Variants in BBS9 observed in about 807,000 individuals in gnomAD.
BBS9 encodes the protein protein PTHB1.
In BBS9, 89 loss-of-function variants were observed where a neutral mutation model predicts 117.7. That is an observed-to-expected ratio of 0.76 (90% CI 0.64 to 0.90). The LOEUF is 0.90. Ranked by LOEUF, BBS9 falls within the 40% of genes least tolerant of loss-of-function variation. BBS9 has a pLI of 0.00. For synonymous variants in BBS9, 379 were observed against 370.9 expected (o/e 1.02, Z -0.25); for missense variants, 982 against 1,042.2 (o/e 0.94, Z 0.80).
chr7:33,378,516 G>T (rs1245635895), intron 17 of BBS9, among the ~76,000 whole-genome samples: 2 of 152,166 alleles, frequency 1.3e-5, no homozygotes, highest in South Asian at 2.1e-4. Flanking sequence ...AATATGGGGG[G>T]ATTGAGATGG....
At chr7:33,483,430 T>C (rs1842734321) in intron 19 of BBS9, among the ~76,000 whole-genome samples, 1 of 152,224 alleles carries the variant, frequency 6.6e-6, no homozygotes, top group African/African-American at 2.4e-5. Flanking sequence ...CTGGCATATA[T>C]ACCTTGCCTA....
intron 20 of BBS9, among the ~76,000 whole-genome samples, chr7:33,520,754 A>G (rs1848478814): frequency 6.6e-6 from 1 of 152,198 alleles, no homozygotes; most frequent in African/African-American, 2.4e-5. Context: ...GCTAATGACC[A>G]CAGAGGAAAA....
chr7:33,453,472 A>T (rs1838194051), intron 19 of BBS9, among the ~76,000 whole-genome samples: 1 of 151,440 alleles, frequency 6.6e-6, no homozygotes, highest in African/African-American at 2.4e-5. Flanking sequence ...AAAGACCTTT[A>T]TGATGATCTA....
At chr7:33,469,720 C>T (rs372071716) in intron 19 of BBS9, among the ~76,000 whole-genome samples, 3 of 152,026 alleles carry the variant, frequency 2.0e-5, no homozygotes, top group East Asian at 3.9e-4. Flanking sequence ...CACAACTTTC[C>T]CAGCTGTTAA....
At chr7:33,492,811 A>AGTGAGTGT (rs1844181345) in intron 19 of BBS9, among the ~76,000 whole-genome samples, 1 of 131,580 alleles carries the variant, frequency 7.6e-6, no homozygotes, top group East Asian at 2.1e-4. Context: ...TATAGGAGTG[A>AGTGAGTGT]GTGTGTGTGT....
chr7:33,211,163 A>T (rs1255097891), intron 5 of BBS9, among the ~76,000 whole-genome samples: 1 of 152,178 alleles, frequency 6.6e-6, no homozygotes, highest in Admixed American at 6.5e-5. Context: ...TAGTCCATTT[A>T]CATTTAATGT....
chr7:33,501,229 C>T (rs1051485854), intron 19 of BBS9, among the ~76,000 whole-genome samples: 18 of 152,124 alleles, frequency 1.2e-4, no homozygotes, highest in Admixed American at 3.9e-4. Flanking sequence ...GTAGTTTTTC[C>T]AGTCTTTTTA....
At chr7:33,382,544 T>A (rs760997540) in intron 17 of BBS9, among the ~76,000 whole-genome samples, 4 of 152,158 alleles carry the variant, frequency 2.6e-5, no homozygotes, top group Non-Finnish European at 4.4e-5. Context: ...TGCATGGTTT[T>A]ACGTAGTTAA....
intron 5 of BBS9, among the ~76,000 whole-genome samples, chr7:33,223,322 GA>G (rs71551992): frequency 0.14 from 21,631 of 151,940 alleles, 1,895 homozygotes; most frequent in Non-Finnish European, 0.19. Context: ...ATTTAAAATA[GA>G]CTCTGTTTGC....
chr7:33,587,792 G>A (rs996881430), intron 21 of BBS9, among the ~76,000 whole-genome samples: 2 of 152,122 alleles, frequency 1.3e-5, no homozygotes, highest in Admixed American at 1.3e-4. Context: ...ATTTATGCTA[G>A]TAAAGAGTTA....
chr7:33,240,929 G>C (rs1254468791), intron 5 of BBS9, among the ~76,000 whole-genome samples: 2 of 151,978 alleles, frequency 1.3e-5, no homozygotes, highest in African/African-American at 4.8e-5. Context: ...ACAAAATCGA[G>C]GTCTGTGGCT....
intron 9 of BBS9, among the ~76,000 whole-genome samples, chr7:33,320,068 TCTTCA>T (rs1811373386): frequency 6.6e-6 from 1 of 152,192 alleles, no homozygotes; most frequent in Admixed American, 6.5e-5. Context: ...AATGGGGGTT[TCTTCA>T]CTTCAAGTAC....
intron 19 of BBS9, among the ~76,000 whole-genome samples, chr7:33,444,470 A>T (rs1007804121): frequency 5.3e-5 from 8 of 152,214 alleles, no homozygotes; most frequent in Non-Finnish European, 7.4e-5. Flanking sequence ...TAATCAGTTC[A>T]TATAAATTTG....
At chr7:33,328,852 T>C (rs1038150345) in intron 9 of BBS9, among the ~76,000 whole-genome samples, 1 of 152,112 alleles carries the variant, frequency 6.6e-6, no homozygotes, top group African/African-American at 2.4e-5. Context: ...ATTTTATAGA[T>C]TGGCTTTGTT....
intron 5 of BBS9, among the ~76,000 whole-genome samples, chr7:33,208,833 A>T (rs1256233920): frequency 6.6e-6 from 1 of 151,964 alleles, no homozygotes; most frequent in Non-Finnish European, 1.5e-5. Context: ...TTGTGGGCAC[A>T]TAGTAGGATA....
At chr7:33,400,799 G>A (rs1242795696) in intron 19 of BBS9, among the ~76,000 whole-genome samples, 1 of 152,130 alleles carries the variant, frequency 6.6e-6, no homozygotes, top group Admixed American at 6.5e-5. Flanking sequence ...ATAAATTAAG[G>A]TGCTGTACTT....
intron 5 of BBS9, among the ~76,000 whole-genome samples, chr7:33,227,699 A>G (rs1284504017): frequency 6.6e-6 from 1 of 152,074 alleles, no homozygotes; most frequent in African/African-American, 2.4e-5. Context: ...ATGAGTGACA[A>G]CATACGATAT....
At chr7:33,400,297 A>G (rs1828693069) in intron 19 of BBS9, among the ~76,000 whole-genome samples, 1 of 152,174 alleles carries the variant, frequency 6.6e-6, no homozygotes, top group Admixed American at 6.5e-5. Flanking sequence ...CAATAAAACT[A>G]TTAATGGGCT....
chr7:33,225,132 A>G (rs895614084), intron 5 of BBS9, among the ~76,000 whole-genome samples: 10 of 152,198 alleles, frequency 6.6e-5, no homozygotes, highest in African/African-American at 2.4e-4. Context: ...TTGTTTTCAT[A>G]TTATAATAAA....
Sources: allele counts gnomAD v4.1 joint callset (sites outside exome capture counted in the v4.1 genomes callset), GRCh38; gene constraint gnomAD v4.1.1; transcripts MANE v1.5; gene names NCBI Gene and HGNC (gene_info 2026-07-23, HGNC 2026-07-21).